Variants in PTPRT observed in about 807,000 individuals in gnomAD.
The protein encoded by PTPRT is protein tyrosine phosphatase receptor type T.
PTPRT carries 56 observed loss-of-function variants against 176.8 expected under a neutral mutation model. The ratio of observed to expected loss-of-function variants is 0.32; its 90% CI spans 0.26 to 0.40. The LOEUF (loss-of-function observed/expected upper bound fraction) is 0.40, where lower values mean the gene tolerates loss of function less well. Ranked by LOEUF, PTPRT falls within the 10% of genes least tolerant of loss-of-function variation. The probability of loss-of-function intolerance (pLI) is 1.00; values close to 1 mark genes in which losing one functional copy is unlikely to be tolerated. For missense variants in PTPRT, 1,540 were observed against 1,908.2 expected (o/e 0.81, Z 3.60); for synonymous variants, 783 against 739.0 (o/e 1.06, Z -0.96).
At chr20:42,761,665 T>C (rs1333295236) in intron 5 of PTPRT, among the ~76,000 whole-genome samples, 1 of 152,194 alleles carries the variant, frequency 6.6e-6, no homozygotes, top group African/African-American at 2.4e-5. Flanking sequence ...TGGCTTTTAG[T>C]AGTACTTCTC....
At chr20:43,185,089 T>G (rs1224853578) in intron 1 of PTPRT, among the ~76,000 whole-genome samples, 1 of 152,220 alleles carries the variant, frequency 6.6e-6, no homozygotes, top group Non-Finnish European at 1.5e-5. Context: ...CATACTAATC[T>G]GAATCCATTC....
At chr20:42,752,294 C>G (rs1176836498) in intron 6 of PTPRT, among the ~76,000 whole-genome samples, 1 of 152,228 alleles carries the variant, frequency 6.6e-6, no homozygotes, top group East Asian at 1.9e-4. Context: ...GGGCACTGTT[C>G]TAAGAACTCC....
At chr20:42,528,771 G>C (rs552866139) in intron 7 of PTPRT, among the ~76,000 whole-genome samples, 1 of 152,266 alleles carries the variant, frequency 6.6e-6, no homozygotes, top group African/African-American at 2.4e-5. Context: ...TAAATACTAA[G>C]ACATAAAATC....
intron 13 of PTPRT, among the ~76,000 whole-genome samples, chr20:42,252,658 T>A (rs961233828): frequency 6.6e-6 from 1 of 152,030 alleles, no homozygotes; most frequent in Admixed American, 6.5e-5. Context: ...AGATCTTGGA[T>A]GAGTATTAGA....
intron 1 of PTPRT, among the ~76,000 whole-genome samples, chr20:42,925,183 T>G (rs1301552893): frequency 6.6e-6 from 1 of 152,210 alleles, no homozygotes; most frequent in African/African-American, 2.4e-5. Flanking sequence ...ACACAAGCTT[T>G]TCCAAATGCT....
intron 12 of PTPRT, among the ~76,000 whole-genome samples, chr20:42,293,957 C>A (rs986743513): frequency 4.0e-5 from 6 of 151,860 alleles, no homozygotes; most frequent in African/African-American, 1.5e-4. Context: ...AAAAACAACA[C>A]AGGAAAAGAA....
chr20:42,791,343 T>C lies in PTPRT; in HGVS notation c.338A>G (p.Asp113Gly), dbSNP rs377238572. The C allele has an allele frequency of 2.7e-5, 44 of 1,614,088 alleles. No individual in the cohort carries two copies. The highest frequency in any genetic ancestry group is 4.0e-5 in the African/African-American group (3 of 74,936). ...GTTCAAGGCCCCTGGGCTGGACCTGTCACGGCTGGAGAAGTAGTAATGGAA... is the reference window on the plus strand; with the variant it reads ...GTTCAAGGCCCCTGGGCTGGACCTGCCACGGCTGGAGAAGTAGTAATGGAA... ...IDFHYYFSSRDRSSPGALNVY... is the reference protein window; with the variant it reads ...IDFHYYFSSRGRSSPGALNVY... Residue 113 changes from aspartate to glycine, a missense_variant, in exon 3 of 31, where the codon GAC becomes GGC. By Grantham distance (94) the Asp-to-Gly change is moderately conservative. Around this residue, in one of 11 missense-constraint regions of PTPRT, gnomAD observed 273 missense variants for 432.1 expected, o/e 0.63. Transcript: ENST00000373187.
At position 42,079,594 on chromosome 20, in the gene PTPRT, C is replaced by T. The variant is rs6065432; in HGVS notation, c.*1285G>A. On this transcript the variant is annotated 3_prime_UTR_variant, in exon 31 of 31. Transcript: ENST00000373187. ...GACTTAGCAAATGTTGGTTCCCTCT[C>T]ATTGACTCACTCACACTTTGGACAA... 0.21 allele frequency: 46,194 copies of T among 225,272 alleles called. 5,231 individuals carry two copies. The highest frequency in any genetic ancestry group is 0.26 in the Middle Eastern group (186 of 728). 14.0% of individuals were successfully genotyped at this position (225,272 alleles called of 1,614,324 possible). A position where few individuals can be genotyped will look rare whatever the true frequency, so the allele number is the denominator to read the frequency against.
chr20:43,039,755 A>C (rs1411846489), intron 1 of PTPRT, among the ~76,000 whole-genome samples: 1 of 152,054 alleles, frequency 6.6e-6, no homozygotes, highest in Non-Finnish European at 1.5e-5. Flanking sequence ...AAAGAAGAAA[A>C]CCAGGCCGGG....
chr20:42,802,636 T>C (rs1255329947), intron 2 of PTPRT, among the ~76,000 whole-genome samples: 1 of 152,266 alleles, frequency 6.6e-6, no homozygotes, highest in Non-Finnish European at 1.5e-5. Flanking sequence ...GGTATTTTTT[T>C]CTTCTAAGAT....
At chr20:43,112,439 T>TAATTC (rs1241529131) in intron 1 of PTPRT, among the ~76,000 whole-genome samples, 1 of 152,200 alleles carries the variant, frequency 6.6e-6, no homozygotes, top group African/African-American at 2.4e-5. Flanking sequence ...GTTGTTCATT[T>TAATTC]CATTCCATTC....
chr20:42,081,698 A>G (rs1380066595), intron 30 of PTPRT, among the ~76,000 whole-genome samples, 184 bp downstream of exon 30: 1 of 152,254 alleles, frequency 6.6e-6, no homozygotes, highest in Non-Finnish European at 1.5e-5. Flanking sequence ...CCTGCAAGAA[A>G]GAAAAGTTGG....
chr20:42,087,960 A>T (rs1165367547), intron 27 of PTPRT, among the ~76,000 whole-genome samples: 1 of 151,638 alleles, frequency 6.6e-6, no homozygotes, highest in Non-Finnish European at 1.5e-5. Context: ...GCCACTAGAT[A>T]ACTTTAGCTG....
At position 42,270,290 on chromosome 20, in the gene PTPRT, G is replaced by A. The variant is rs567390796; in HGVS notation, c.2176+12199C>T. The stretch of plus-strand genomic sequence containing the variant: ...TGAATGGGTGGGGGGGTGGGTGGGT[G>A]GGTGGGGTGGAAAGACTGCTGATTC... On this transcript the variant is annotated intron_variant, in intron 13 of 30. Transcript: ENST00000373187. 6.4e-5 allele frequency: 62 copies of A among 968,520 alleles called. No homozygotes were observed. The African/African-American group carries it at 1.0e-3, about 16-fold the overall frequency. 60.0% of individuals were successfully genotyped at this position (968,520 alleles called of 1,614,324 possible). A position where few individuals can be genotyped will look rare whatever the true frequency, so the allele number is the denominator to read the frequency against.
At chr20:42,761,554 C>A (rs996228078) in intron 5 of PTPRT, among the ~76,000 whole-genome samples, 1 of 152,158 alleles carries the variant, frequency 6.6e-6, no homozygotes, top group Non-Finnish European at 1.5e-5. Flanking sequence ...TTTAACAAAC[C>A]TTCCTGGGGA....
chr20:42,508,841 T>C (rs1049258302), intron 7 of PTPRT, among the ~76,000 whole-genome samples: 2 of 149,682 alleles, frequency 1.3e-5, no homozygotes, highest in African/African-American at 2.4e-5. Context: ...ACTCTGGTCA[T>C]TGTACATTTA....
chr20:42,637,320 G>A (rs552878654), intron 7 of PTPRT, among the ~76,000 whole-genome samples: 6 of 152,200 alleles, frequency 3.9e-5, no homozygotes, highest in African/African-American at 1.4e-4. Context: ...TGCCAGCAAG[G>A]ATCTATGTGA....
chr20:42,104,658 T>A lies in PTPRT; in HGVS notation c.3451A>T (p.Ile1151Phe). The A allele has an allele frequency of 6.3e-7, 1 of 1,597,334 alleles. No homozygotes were observed. Among genetic ancestry groups the A allele is most frequent in the Non-Finnish European group, 8.6e-7 (1 of 1,164,688 alleles). Reference sequence around the variant, plus strand: ...AGAGAACGGAACTCACACACAGGGATGGCAGTGTTGCCACAGAGGCACGCT... The same window carrying A: ...AGAGAACGGAACTCACACACAGGGAAGGCAGTGTTGCCACAGAGGCACGCT... ...LEACLCGNTA[I>F]PVCEFRSLYY... Residue 1151 changes from isoleucine to phenylalanine, a missense_variant, in exon 25 of 31, where the codon ATC (isoleucine) becomes TTC (phenylalanine). Ile to Phe is a conservative substitution (Grantham distance 21). This residue lies in a region of PTPRT where 342 missense variants were observed against 394.0 expected (regional missense o/e 0.87). Coordinates refer to ENST00000373187, the MANE Select transcript of PTPRT (RefSeq NM_007050.6).
intron 7 of PTPRT, among the ~76,000 whole-genome samples, chr20:42,624,285 T>C (rs377582771): frequency 1.3e-5 from 2 of 152,216 alleles, no homozygotes; most frequent in African/African-American, 4.8e-5. Flanking sequence ...ATTCACAGTC[T>C]ATAAAAAAGT....
Sources: gnomAD v4.1 joint callset for allele counts (sites outside exome capture counted in the v4.1 genomes callset) on GRCh38, gnomAD v4.1.1 for gene constraint, gnomAD v4.1.1 regional missense constraint, MANE v1.5 for transcripts, NCBI Gene and HGNC (gene_info 2026-07-23, HGNC 2026-07-21) for gene names.